The following WDR41 variants were observed in gnomAD, a reference collection of about 807,000 sequenced individuals.
WDR41 encodes the protein WD repeat domain 41.
Under a neutral mutation model 69.3 loss-of-function variants are expected in WDR41, and 63 were observed. That is an observed-to-expected ratio of 0.91 (90% CI 0.74 to 1.12). WDR41 has a LOEUF of 1.12. Among genes scored for constraint, WDR41 ranks in the 50% most tolerant of loss-of-function variants. The pLI is 0.00. For missense variants in WDR41, 543 were observed against 534.5 expected (o/e 1.02, Z -0.16); for synonymous variants, 185 against 192.1 (o/e 0.96, Z 0.31).
At position 77,432,358 on chromosome 5, in the gene WDR41, AGC is replaced by A. The variant is rs1798755316; in HGVS notation, c.*775_*776del. 1 of 152,524 alleles carries A rather than the reference AGC, an allele frequency of 6.6e-6. No individual in the cohort carries two copies. Among genetic ancestry groups the A allele is most frequent in the Non-Finnish European group, 1.5e-5 (1 of 68,054 alleles). 9.4% of individuals were successfully genotyped at this position (152,524 alleles called of 1,614,324 possible). ...AACTACATAAAAGAAGTCTGTCTCA[AGC>A]AGTTCGTATTTGAGTCAGTGGTCAG... is the stretch of plus-strand genomic sequence containing the variant. On this transcript the variant is annotated 3_prime_UTR_variant, in exon 13 of 13. Coordinates refer to ENST00000296679, the MANE Select transcript of WDR41 (RefSeq NM_018268.4).
At position 77,433,153 on chromosome 5, in the gene WDR41, G is replaced by A. The variant is rs552972264; in HGVS notation, c.1362C>T (p.Asp454=). 1.9e-6 allele frequency: 3 copies of A among 1,613,252 alleles called. No homozygotes were observed. The highest frequency in any genetic ancestry group is 1.7e-5 in the Admixed American group (1 of 59,870). The change falls in exon 13 of 13, where the codon GAC becomes GAT. Residue 454 remains aspartate (D), a synonymous_variant. Transcript: ENST00000296679. ...RLFQKLEENG[D]LYLAV ...CCTTAAACTAGACAGCAAGGTATAA[G>A]TCACCATTCTCCTCTAATTTTTGAA...
intron 4 of WDR41, among the ~76,000 whole-genome samples, chr5:77,460,060 T>C (rs1410469426): frequency 6.6e-6 from 1 of 152,192 alleles, no homozygotes; most frequent in Non-Finnish European, 1.5e-5. Flanking sequence ...TAAGGCTGTT[T>C]ACCCTTGTGA....
In WDR41 at chr5:77,438,270, T is replaced by A. The variant is rs764330409; in HGVS notation, c.974A>T (p.Asn325Ile). The A allele has an allele frequency of 6.2e-7, 1 of 1,614,070 alleles. No homozygotes were observed. The highest frequency in any genetic ancestry group is 2.2e-5 in the East Asian group (1 of 44,868). The change falls in exon 10 of 13, where the codon AAT (asparagine) becomes ATT (isoleucine). Residue 325 changes from asparagine (N) to isoleucine (I), a missense_variant. Asn to Ile is a moderately radical substitution (Grantham distance 149, BLOSUM62 -3). Coordinates refer to ENST00000296679, the MANE Select transcript of WDR41 (RefSeq NM_018268.4). ...TGGAAGTCTGGCAACGTGCAGGACA[T>A]TGGAGTCATGTGCAGTTTTCTGGCA... ...IACQKTAHDS[N>I]VLHVARLPNR...
intron 8 of WDR41, among the ~76,000 whole-genome samples, chr5:77,447,727 T>C (rs923343757): frequency 6.6e-6 from 1 of 152,010 alleles, no homozygotes; most frequent in Non-Finnish European, 1.5e-5. Flanking sequence ...TGAGAACATA[T>C]GGACACAGAG....
intron 1 of WDR41, among the ~76,000 whole-genome samples, chr5:77,558,315 A>G (rs1743451658): frequency 6.6e-6 from 1 of 152,200 alleles, no homozygotes; most frequent in South Asian, 2.1e-4. Flanking sequence ...GTGCATGAGT[A>G]AAAATCTAAG....
chr5:77,487,443 A>T (rs570073399), intron 2 of WDR41, among the ~76,000 whole-genome samples: 1 of 152,208 alleles, frequency 6.6e-6, no homozygotes, highest in Non-Finnish European at 1.5e-5. Context: ...AAGGCTGCAG[A>T]TGATTGTTTA....
At chr5:77,553,166 C>T (rs575909538) in intron 1 of WDR41, among the ~76,000 whole-genome samples, 14 of 152,234 alleles carry the variant, frequency 9.2e-5, no homozygotes, top group African/African-American at 3.4e-4. Context: ...GCTGCTATAA[C>T]AAAATACCTC....
intron 6 of WDR41, chr5:77,452,055 A>G (rs1200396015): frequency 1.3e-5 from 2 of 151,584 alleles, no homozygotes; most frequent in African/African-American, 4.9e-5. Context: ...ATTATGATAT[A>G]TATGTAATTT....
chr5:77,583,506 T>C (rs1743980186), intron 1 of WDR41, among the ~76,000 whole-genome samples: 1 of 151,274 alleles, frequency 6.6e-6, no homozygotes, highest in Non-Finnish European at 1.5e-5. Context: ...AGAGAAACCC[T>C]ATCTCAGAAA....
rs1022722812 is a variant in WDR41, at chr5:77,433,967, G to A, written c.1228-680C>T. ...GACAAAAGGCAGCATGAATACTATGGGGTGAAGAGTTGTATCAGAAAAGTG... is the reference window on the plus strand; with the variant it reads ...GACAAAAGGCAGCATGAATACTATGAGGTGAAGAGTTGTATCAGAAAAGTG... On this transcript the variant is annotated intron_variant, in intron 12 of 12. Transcript: ENST00000296679. Among the ~76,000 whole-genome samples the A allele has an allele frequency of 2.6e-5, 4 of 152,176 alleles. No individual in the cohort carries two copies. In the South Asian group the frequency reaches 8.3e-4, roughly 32 times the overall value.
upstream of WDR41, chr5:77,492,452 C>T: frequency 4.4e-6 from 2 of 452,478 alleles, no homozygotes; most frequent in Non-Finnish European, 7.6e-6. Context: ...GCTTGGGGTG[C>T]GGCGGCCGAC....
intron 2 of WDR41, among the ~76,000 whole-genome samples, chr5:77,476,630 T>C (rs888341191): frequency 6.6e-6 from 1 of 151,584 alleles, no homozygotes; most frequent in African/African-American, 2.4e-5. Context: ...TGCTGAGAGA[T>C]TCTGTCACCA....
rs558643162 is a variant in WDR41 at position 77,613,504 on chromosome 5, A to G, written c.42+6975T>C. On this transcript the variant is annotated intron_variant, in intron 1 of 5. Transcript: ENST00000509971. ...GAAATAACGCCGCATATCTACAACT[A>G]TCTGATCTTTGACAAACCTGAGAAA... 2.5e-3 allele frequency among the ~76,000 whole-genome samples: 381 copies of G among 152,190 alleles called. 3 individuals are homozygous for G. Among genetic ancestry groups the G allele is most frequent in the Middle Eastern group, 6.8e-3 (2 of 294 alleles).
chr5:77,434,539 T>G (rs1198830487), intron 12 of WDR41, among the ~76,000 whole-genome samples: 1 of 152,020 alleles, frequency 6.6e-6, no homozygotes, highest in Non-Finnish European at 1.5e-5. Context: ...ACCCCATCTC[T>G]ACTAAAAGTA....
At chr5:77,537,022 C>T (rs1399812475) in intron 1 of WDR41, among the ~76,000 whole-genome samples, 1 of 152,178 alleles carries the variant, frequency 6.6e-6, no homozygotes, top group Non-Finnish European at 1.5e-5. Context: ...TGCTTACATG[C>T]AGAGGTGCTA....
intron 1 of WDR41, chr5:77,582,908 C>T: frequency 6.2e-7 from 1 of 1,609,050 alleles, no homozygotes; most frequent in Non-Finnish European, 8.5e-7. Context: ...ATTGCTCGAT[C>T]TCTTGGTAAA....
chr5:77,602,879 C>A (rs993673172), intron 1 of WDR41, among the ~76,000 whole-genome samples: 1 of 151,458 alleles, frequency 6.6e-6, no homozygotes, highest in African/African-American at 2.4e-5. Context: ...TATATTCCCA[C>A]CAACCATCTA....
rs1366400488 is a variant in WDR41, at chr5:77,492,151, A to G, written c.51+19T>C. 4 of 1,610,886 alleles carry G rather than the reference A, an allele frequency of 2.5e-6. No individual in the cohort carries two copies. Among genetic ancestry groups the G allele is most frequent in the South Asian group, 2.2e-5 (2 of 90,356 alleles). On this transcript the variant is annotated intron_variant, in intron 1 of 12. Transcript: ENST00000296679. ...CCAGCAAGCTCGACGGACGCAGAGCAGACCCACCCGGGGTTTACCTCGGCC... is the reference window on the plus strand; with the variant it reads ...CCAGCAAGCTCGACGGACGCAGAGCGGACCCACCCGGGGTTTACCTCGGCC...
At chr5:77,437,160 G>A (rs913698928) in intron 11 of WDR41, among the ~76,000 whole-genome samples, 176 bp downstream of exon 11, 3 of 152,150 alleles carry the variant, frequency 2.0e-5, no homozygotes, top group African/African-American at 7.2e-5. Flanking sequence ...CTACATTAGG[G>A]CAGTATTAAG....
Sources: gnomAD v4.1 joint callset for allele counts (sites outside exome capture counted in the v4.1 genomes callset) on GRCh38, gnomAD v4.1.1 for gene constraint, MANE v1.5 for transcripts, NCBI Gene and HGNC (gene_info 2026-07-23, HGNC 2026-07-21) for gene names.